EDDM13: variants seen among roughly 807,000 people sequenced by gnomAD.
The protein encoded by EDDM13 is epididymal protein 13.
A neutral mutation model predicts 17.8 loss-of-function variants in EDDM13; 24 were observed. The ratio of observed to expected loss-of-function variants is 1.35; its 90% confidence interval spans 0.98 to 1.90. The LOEUF is 1.90. Ranked by LOEUF, EDDM13 falls within the 40% of genes most tolerant of loss-of-function variation. EDDM13 has a pLI of 0.00. For missense variants in EDDM13, 97 were observed against 100.8 expected, an observed-to-expected ratio of 0.96 and a Z score of 0.16; for synonymous variants, 31 against 37.5, an observed-to-expected ratio of 0.83 and a Z score of 0.63.
chr19:56,306,232 G>GA (rs1293158045), intron 14 of EDDM13, among the ~76,000 whole-genome samples: 25 of 152,176 alleles, frequency 1.6e-4, no homozygotes, highest in Admixed American at 1.6e-3. Context: ...GAGAAAGTAC[G>GA]AAAGACAGAT....
chr19:56,302,393 C>CCCTATTCTTTCCTCCTCCCTT (rs2040310488), intron 13 of EDDM13, among the ~76,000 whole-genome samples: 1 of 144,406 alleles, frequency 6.9e-6, no homozygotes, highest in Non-Finnish European at 1.5e-5. Context: ...TCTCCTCCCT[C>CCCTATTCTTTCCTCCTCCCTT]CCTATTCTTT....
At chr19:56,287,004 TA>T (rs2039176376) in intron 6 of EDDM13, among the ~76,000 whole-genome samples, 1 of 152,238 alleles carries the variant, frequency 6.6e-6, no homozygotes, top group Admixed American at 6.5e-5. Context: ...GAGATTATGA[TA>T]AAATGCCAGA....
chr19:56,288,067 C>T (rs185452607), intron 6 of EDDM13, among the ~76,000 whole-genome samples: 1 of 152,250 alleles, frequency 6.6e-6, no homozygotes, highest in East Asian at 1.9e-4. Flanking sequence ...TGCTGATGGT[C>T]ACGAGGCTGG....
At chr19:56,297,810 C>T (rs1484843858) in intron 12 of EDDM13, 2 of 152,266 alleles carry the variant, frequency 1.3e-5, no homozygotes, top group East Asian at 1.9e-4. Flanking sequence ...CCTCTCTTCC[C>T]GACATGGAAA....
chr19:56,305,105 G>C (rs2040596992), intron 14 of EDDM13, among the ~76,000 whole-genome samples: 1 of 152,114 alleles, frequency 6.6e-6, no homozygotes, highest in Non-Finnish European at 1.5e-5. Flanking sequence ...ACAAGTCTTA[G>C]GACTTGTGGC....
rs543143163 is a variant in EDDM13, at chr19:56,281,731, G to C, written c.109+33G>C. On this transcript the variant is annotated intron_variant, in intron 3 of 14. Transcript: ENST00000649256. The stretch of plus-strand genomic sequence containing the variant: ...ATATCTCCTTCTCCCTACATAAATG[G>C]GGAGCCCGCCCTTCAACCTAGAGAA... 6.9e-4 allele frequency: 683 copies of C among 984,776 alleles called. 1 individual carries two copies. The highest frequency in any genetic ancestry group is 2.3e-3 in the South Asian group (48 of 21,258). 61.0% of individuals were successfully genotyped at this position (984,776 alleles called of 1,614,324 possible). A position where few individuals can be genotyped will look rare whatever the true frequency, so the allele number is the denominator to read the frequency against.
chr19:56,276,637 A>C (rs1422150475), intron 2 of EDDM13, among the ~76,000 whole-genome samples: 1 of 151,788 alleles, frequency 6.6e-6, no homozygotes, highest in African/African-American at 2.4e-5. Flanking sequence ...CCTGGGTTCA[A>C]GCGATTCTCC....
chr19:56,279,150 A>C (rs2038488550), intron 2 of EDDM13, among the ~76,000 whole-genome samples: 1 of 152,200 alleles, frequency 6.6e-6, no homozygotes, highest in Non-Finnish European at 1.5e-5. Context: ...GCCTTAGTCA[A>C]GCTGACACCC....
intron 6 of EDDM13, among the ~76,000 whole-genome samples, chr19:56,286,901 G>A (rs1600190156): frequency 6.6e-6 from 1 of 152,318 alleles, no homozygotes; most frequent in South Asian, 2.1e-4. Context: ...TTTCCACCTG[G>A]CTCCACTATT....
At chr19:56,301,115 T>C (rs2040200730) in intron 12 of EDDM13, among the ~76,000 whole-genome samples, 1 of 152,102 alleles carries the variant, frequency 6.6e-6, no homozygotes, top group Admixed American at 6.5e-5. Flanking sequence ...TTGAATCTCG[T>C]GCAAGAAAGA....
chr19:56,275,818 C>A (rs774759207), intron 1 of EDDM13, among the ~76,000 whole-genome samples: 1 of 152,182 alleles, frequency 6.6e-6, no homozygotes, highest in Non-Finnish European at 1.5e-5. Flanking sequence ...GATTTATCTG[C>A]GTCTCCAACA....
chr19:56,285,273 G>A (rs903577496), intron 6 of EDDM13, among the ~76,000 whole-genome samples: 3 of 152,154 alleles, frequency 2.0e-5, no homozygotes, highest in Non-Finnish European at 2.9e-5. Flanking sequence ...TATGCACATG[G>A]GAAAATATCG....
At chr19:56,302,964 T>C in intron 13 of EDDM13, 1 of 396,494 alleles carries the variant, frequency 2.5e-6, no homozygotes. Flanking sequence ...GATCACCGAG[T>C]GGTAGCACTT....
At chr19:56,305,927 A>G (rs1283919603) in intron 14 of EDDM13, among the ~76,000 whole-genome samples, 1 of 151,270 alleles carries the variant, frequency 6.6e-6, no homozygotes, top group Non-Finnish European at 1.5e-5. Context: ...CCTGGGGTGG[A>G]AAGTGGCCTA....
intron 12 of EDDM13, among the ~76,000 whole-genome samples, chr19:56,299,279 G>A (rs901435536): frequency 7.9e-5 from 12 of 151,702 alleles, no homozygotes; most frequent in Admixed American, 2.0e-4. Context: ...CCACAGGCAC[G>A]AGACACCACA....
intron 14 of EDDM13, among the ~76,000 whole-genome samples, chr19:56,308,043 CT>C (rs879496603): frequency 6.6e-6 from 1 of 151,406 alleles, no homozygotes; most frequent in Admixed American, 6.6e-5. Context: ...CATATTAAAC[CT>C]TTTTTTTTGA....
intron 9 of EDDM13, among the ~76,000 whole-genome samples, chr19:56,293,899 G>GA (rs1431433587): frequency 1.3e-5 from 2 of 152,144 alleles, no homozygotes; most frequent in East Asian, 3.9e-4. Context: ...TGGAGGTTGA[G>GA]AAACCCCCCG....
At chr19:56,284,158 T>C (rs910761849) in intron 4 of EDDM13, 40 bp from the exon 5 acceptor site, 20 of 985,504 alleles carry the variant, frequency 2.0e-5, no homozygotes, top group East Asian at 1.1e-4. Flanking sequence ...GCATGTAACC[T>C]TGGCCACCAT....
intron 2 of EDDM13, among the ~76,000 whole-genome samples, chr19:56,278,392 C>A (rs2038426730): frequency 6.6e-6 from 1 of 152,110 alleles, no homozygotes; most frequent in African/African-American, 2.4e-5. Context: ...CCTCGGTCTC[C>A]CAAAGTGCTG....
Sources: allele counts gnomAD v4.1 joint callset (sites outside exome capture counted in the v4.1 genomes callset), GRCh38; gene constraint gnomAD v4.1.1; transcripts MANE v1.5; gene names NCBI Gene and HGNC (gene_info 2026-07-23, HGNC 2026-07-21).